Variants in TMTC2 observed in about 807,000 individuals in gnomAD.
TMTC2 encodes the protein transmembrane O-mannosyltransferase targeting cadherins 2.
Under a neutral mutation model 82.4 loss-of-function variants are expected in TMTC2, and 43 were observed. The ratio of observed to expected loss-of-function variants is 0.52; its 90% CI spans 0.41 to 0.67. TMTC2 has a LOEUF of 0.67. Among genes scored for constraint, TMTC2 ranks in the 30% least tolerant of loss-of-function variants. TMTC2 has a pLI of 0.00. For synonymous variants in TMTC2, 408 were observed against 381.9 expected (o/e 1.07, Z -0.80); for missense variants, 919 against 1,012.4 (o/e 0.91, Z 1.25).
chr12:82,813,675 C>T (rs1246043518), intron 1 of TMTC2, among the ~76,000 whole-genome samples: 1 of 151,976 alleles, frequency 6.6e-6, no homozygotes, highest in African/African-American at 2.4e-5. Context: ...AAATTTCTTG[C>T]CTACCCTCCC....
At chr12:82,803,389 G>C (rs942527046) in intron 1 of TMTC2, among the ~76,000 whole-genome samples, 2 of 152,092 alleles carry the variant, frequency 1.3e-5, no homozygotes, top group African/African-American at 2.4e-5. Flanking sequence ...TTATCACAAG[G>C]CCTCTCTGAA....
chr12:82,943,849 G>C (rs751118858), intron 4 of TMTC2, among the ~76,000 whole-genome samples: 3 of 152,180 alleles, frequency 2.0e-5, no homozygotes, highest in Non-Finnish European at 4.4e-5. Context: ...ACAAAGTGTA[G>C]TTTCTACTCT....
At chr12:83,069,274 C>A (rs1007913622) in intron 11 of TMTC2, among the ~76,000 whole-genome samples, 1 of 152,092 alleles carries the variant, frequency 6.6e-6, no homozygotes, top group Non-Finnish European at 1.5e-5. Context: ...CTCTCCACAC[C>A]ATTTTCCATA....
At position 82,899,590 on chromosome 12, in the gene TMTC2, A is replaced by AAT. The variant is rs1174730580; in HGVS notation, c.1483+2953_1483+2954dup. On this transcript the variant is annotated intron_variant, in intron 3 of 11. Coordinates refer to ENST00000321196, the MANE Select transcript of TMTC2 (RefSeq NM_152588.3). ...TATATGTGGAATATATATATATAAG[A>AAT]ATATATATATGTGGAATATATATAT... is the stretch of plus-strand genomic sequence containing the variant. Among the ~76,000 whole-genome samples the AAT allele has an allele frequency of 2.2e-3, 244 of 112,138 alleles. 3 individuals carry two copies. Among genetic ancestry groups the AAT allele is most frequent in the African/African-American group, 0.013 (234 of 17,766 alleles). The allele number at this position is 112,138 out of a possible 152,430, so 73.6% of individuals were successfully genotyped here.
intron 1 of TMTC2, among the ~76,000 whole-genome samples, chr12:82,852,793 C>G (rs1871052533): frequency 6.6e-6 from 1 of 152,172 alleles, no homozygotes; most frequent in Admixed American, 6.5e-5. Flanking sequence ...CCCTGTTGGT[C>G]TGTATCTTTC....
chr12:82,769,336 C>T (rs531167898), intron 1 of TMTC2, among the ~76,000 whole-genome samples: 1 of 151,750 alleles, frequency 6.6e-6, no homozygotes, highest in African/African-American at 2.4e-5. Context: ...ATTAGCCAGG[C>T]GTGGTGGCAG....
intron 10 of TMTC2, among the ~76,000 whole-genome samples, chr12:83,053,571 A>C (rs1255640776): frequency 6.6e-6 from 1 of 152,018 alleles, no homozygotes. Context: ...ATTCCATCTG[A>C]ATGAGATTAG....
chr12:83,124,245 G>A (rs556740680), intron 11 of TMTC2, among the ~76,000 whole-genome samples: 1 of 152,218 alleles, frequency 6.6e-6, no homozygotes, highest in Admixed American at 6.5e-5. Flanking sequence ...TATAATAAGT[G>A]GTCAATAAAT....
intron 11 of TMTC2, among the ~76,000 whole-genome samples, chr12:83,122,616 G>A (rs1043246735): frequency 2.0e-5 from 3 of 152,114 alleles, no homozygotes; most frequent in East Asian, 3.9e-4. Context: ...GTGTGTGTTC[G>A]GGGGCGGATG....
chr12:82,873,389 A>T (rs73360230), intron 2 of TMTC2, among the ~76,000 whole-genome samples: 7,021 of 152,124 alleles, frequency 0.046, 544 homozygotes, highest in African/African-American at 0.16. Context: ...ATTCTACTGT[A>T]TAACAAATTG....
Position 83,081,899 on chromosome 12 carries a change from T to C in TMTC2, c.2331+20068T>C, listed in dbSNP as rs1883485369. Among the ~76,000 whole-genome samples the C allele has an allele frequency of 2.0e-5, 3 of 151,906 alleles. No individual in the cohort carries two copies. In the South Asian group the frequency reaches 6.2e-4, roughly 32 times the overall value. ...ACAAAAAATAAAAAAAATAGCCAGGTGTGGTGATGTAGTTAGAGGGTACAG... is the reference window on the plus strand; with the variant it reads ...ACAAAAAATAAAAAAAATAGCCAGGCGTGGTGATGTAGTTAGAGGGTACAG... On this transcript the variant is annotated intron_variant, in intron 11 of 11. Coordinates refer to ENST00000321196, the MANE Select transcript of TMTC2 (RefSeq NM_152588.3).
chr12:82,868,116 G>T (rs76241182), intron 2 of TMTC2, among the ~76,000 whole-genome samples: 1 of 152,168 alleles, frequency 6.6e-6, no homozygotes, highest in African/African-American at 2.4e-5. Context: ...TATAGTAAAT[G>T]TGTACTCTTT....
chr12:82,804,137 A>T (rs190508268), intron 1 of TMTC2, among the ~76,000 whole-genome samples: 2 of 152,266 alleles, frequency 1.3e-5, no homozygotes, highest in Admixed American at 6.5e-5. Context: ...GAGAGTAATG[A>T]GCTTCAGAGA....
At chr12:82,844,910 C>T (rs922398002) in intron 1 of TMTC2, among the ~76,000 whole-genome samples, 2 of 151,126 alleles carry the variant, frequency 1.3e-5, no homozygotes, top group Non-Finnish European at 2.9e-5. Context: ...TGAAGTCAAA[C>T]AGTAATCATG....
chr12:82,785,356 A>ACCCCCC (rs150549652), intron 1 of TMTC2, among the ~76,000 whole-genome samples: 2 of 123,782 alleles, frequency 1.6e-5, no homozygotes, highest in Admixed American at 8.4e-5. Context: ...TAAACAAACA[A>ACCCCCC]CCCCCCCCCG....
At chr12:82,872,541 G>A (rs752373046) in intron 2 of TMTC2, among the ~76,000 whole-genome samples, 24 of 152,102 alleles carry the variant, frequency 1.6e-4, no homozygotes, top group Non-Finnish European at 3.5e-4. Context: ...GCTAATACAG[G>A]AAAATATTTC....
At chr12:83,116,963 T>C (rs1003314398) in intron 11 of TMTC2, among the ~76,000 whole-genome samples, 1 of 152,220 alleles carries the variant, frequency 6.6e-6, no homozygotes, top group Admixed American at 6.5e-5. Context: ...TTGTTTTTAT[T>C]GTGTTTGCTT....
At chr12:82,958,670 G>C (rs1002924284) in intron 4 of TMTC2, among the ~76,000 whole-genome samples, 1 of 151,922 alleles carries the variant, frequency 6.6e-6, no homozygotes, top group Non-Finnish European at 1.5e-5. Flanking sequence ...TAGACATTGA[G>C]GGAACAAACC....
At chr12:82,951,549 G>A (rs1877347106) in intron 4 of TMTC2, among the ~76,000 whole-genome samples, 1 of 152,138 alleles carries the variant, frequency 6.6e-6, no homozygotes, top group Admixed American at 6.5e-5. Context: ...TCGAACTCCT[G>A]AGCTCAGGCA....
Sources: allele counts gnomAD v4.1 joint callset (sites outside exome capture counted in the v4.1 genomes callset), GRCh38; gene constraint gnomAD v4.1.1; transcripts MANE v1.5; gene names NCBI Gene and HGNC (gene_info 2026-07-23, HGNC 2026-07-21).